The following RIOX2 variants were observed in gnomAD, a reference collection of about 807,000 sequenced individuals.
RIOX2 encodes ribosomal oxygenase 2.
Under a neutral mutation model 51.2 loss-of-function variants are expected in RIOX2, and 43 were observed. The ratio of observed to expected loss-of-function variants is 0.84; its 90% CI spans 0.66 to 1.08. The LOEUF (loss-of-function observed/expected upper bound fraction) is 1.08. RIOX2 is among the 50% of genes least tolerant of loss of function. The probability of loss-of-function intolerance (pLI) is 0.00; values close to 1 mark genes in which losing one functional copy is unlikely to be tolerated. For missense variants in RIOX2, 566 were observed against 561.7 expected, an observed-to-expected ratio of 1.01 and a Z score of -0.08; for synonymous variants, 226 against 218.5, an observed-to-expected ratio of 1.03 and a Z score of -0.30.
At chr3:97,951,191 C>A in intron 5 of RIOX2, 1 of 251,406 alleles carries the variant, frequency 4.0e-6, no homozygotes, top group Admixed American at 5.2e-5. Context: ...TTTCATAAAA[C>A]AGGAAGTTCA....
intron 4 of RIOX2, among the ~76,000 whole-genome samples, chr3:97,957,702 G>A (rs1334488836): frequency 6.6e-6 from 1 of 152,156 alleles, no homozygotes; most frequent in Admixed American, 6.5e-5. Context: ...TTCTCGGGCA[G>A]AGCAAGTAGC....
chr3:97,961,811 G>T, intron 2 of RIOX2, 103 bp from the exon 3 acceptor site: 2 of 1,251,610 alleles, frequency 1.6e-6, no homozygotes, highest in Middle Eastern at 5.6e-4. Context: ...AGTCTTTACT[G>T]CACAACTATT....
intron 2 of RIOX2, among the ~76,000 whole-genome samples, chr3:97,963,603 T>C (rs557279050): frequency 7.2e-5 from 11 of 152,336 alleles, no homozygotes; most frequent in Admixed American, 2.6e-4. Context: ...TATTTTTATA[T>C]AGTAACTGGA....
rs1373318115 is a variant in RIOX2 at position 97,943,987 on chromosome 3, C to T, written c.*1197G>A. On this transcript the variant is annotated 3_prime_UTR_variant, in exon 10 of 10. Coordinates refer to ENST00000394198, the MANE Select transcript of RIOX2 (RefSeq NM_153182.4). ...AAACTAAAAAAGTACAAATAAATAA[C>T]CTATGGCCAAACTTGCACTGTTACG... is the stretch of plus-strand genomic sequence containing the variant. The T allele has an allele frequency of 1.3e-5, 2 of 151,926 alleles. No individual in the cohort carries two copies. The highest frequency in any genetic ancestry group is 2.9e-5 in the Non-Finnish European group (2 of 67,940). The allele number at this position is 151,926 out of a possible 1,614,324, so 9.4% of individuals were successfully genotyped here.
At chr3:97,956,774 C>G (rs552356831) in intron 4 of RIOX2, among the ~76,000 whole-genome samples, 1 of 152,242 alleles carries the variant, frequency 6.6e-6, no homozygotes, top group Admixed American at 6.5e-5. Flanking sequence ...GGATTACAGG[C>G]GTGAGCCACC....
chr3:97,946,594 ATATATATATATATC>A (rs1388869718), intron 8 of RIOX2, among the ~76,000 whole-genome samples: 20 of 130,242 alleles, frequency 1.5e-4, no homozygotes, highest in African/African-American at 5.7e-4. Context: ...ATGTATATAT[ATATATATATATATC>A]TATTCATGTA....
intron 4 of RIOX2, among the ~76,000 whole-genome samples, chr3:97,955,961 T>C (rs1381536928): frequency 2.0e-5 from 3 of 151,788 alleles, no homozygotes; most frequent in Non-Finnish European, 4.4e-5. Context: ...GTATAAACAA[T>C]AATAAATGGT....
chr3:97,943,993 G>C lies in RIOX2; in HGVS notation c.*1191C>G, dbSNP rs2040293131. The C allele has an allele frequency of 6.6e-6, 1 of 151,698 alleles. No individual in the cohort carries two copies. The highest frequency in any genetic ancestry group is 1.5e-5 in the Non-Finnish European group (1 of 67,872). 9.4% of individuals were successfully genotyped at this position (151,698 alleles called of 1,614,324 possible). A position where few individuals can be genotyped will look rare whatever the true frequency, so the allele number is the denominator to read the frequency against. ...AAAAAGTACAAATAAATAACCTATG[G>C]CCAAACTTGCACTGTTACGTGTTAA... On this transcript the variant is annotated 3_prime_UTR_variant, in exon 10 of 10. Coordinates refer to ENST00000394198, the MANE Select transcript of RIOX2 (RefSeq NM_153182.4).
At chr3:97,960,411 T>C (rs1363531165) in intron 3 of RIOX2, among the ~76,000 whole-genome samples, 1 of 152,216 alleles carries the variant, frequency 6.6e-6, no homozygotes, top group African/African-American at 2.4e-5. Context: ...GAATAAAGTA[T>C]ATAACACATA....
chr3:97,971,397 G>A (rs1226376158), intron 1 of RIOX2, among the ~76,000 whole-genome samples: 1 of 152,188 alleles, frequency 6.6e-6, no homozygotes, highest in African/African-American at 2.4e-5. Flanking sequence ...GTCAAACGCA[G>A]CTCAGTTAAA....
intron 1 of RIOX2, among the ~76,000 whole-genome samples, chr3:97,971,368 C>T (rs753389205): frequency 2.0e-5 from 3 of 152,140 alleles, no homozygotes; most frequent in Non-Finnish European, 4.4e-5. Flanking sequence ...AATTTTAGGT[C>T]CACTAATGGA....
At chr3:97,962,362 C>A (rs1345275454) in intron 2 of RIOX2, among the ~76,000 whole-genome samples, 17 of 114,842 alleles carry the variant, frequency 1.5e-4, no homozygotes, top group African/African-American at 4.5e-4. Flanking sequence ...TAAGACCCCC[C>A]CCCCCCCCCC....
chr3:97,960,152 G>A (rs1027954720), intron 3 of RIOX2, among the ~76,000 whole-genome samples: 5 of 152,126 alleles, frequency 3.3e-5, no homozygotes, highest in African/African-American at 1.2e-4. Flanking sequence ...GGACCCATAT[G>A]ATGTGCCACT....
chr3:97,948,600 G>A (rs1414172836), intron 7 of RIOX2, among the ~76,000 whole-genome samples: 3 of 152,060 alleles, frequency 2.0e-5, no homozygotes, highest in South Asian at 4.2e-4. Flanking sequence ...GACCACTTCC[G>A]CTTTACCATT....
chr3:97,948,363 A>G (rs114787164), intron 7 of RIOX2, among the ~76,000 whole-genome samples: 1,881 of 152,276 alleles, frequency 0.012, 37 homozygotes, highest in African/African-American at 0.043. Context: ...ACCCTGAGAA[A>G]GAACAGCAGC....
chr3:97,948,036 T>C (rs985571370), intron 7 of RIOX2, among the ~76,000 whole-genome samples: 3 of 152,104 alleles, frequency 2.0e-5, no homozygotes, highest in Non-Finnish European at 4.4e-5. Flanking sequence ...GTCATCTGCG[T>C]GGGGAAGGAG....
chr3:97,946,975 G>C lies in RIOX2; in HGVS notation c.1149+386C>G, dbSNP rs150791453. ...TTTGTTCTCCATAATCTACAGGATA[G>C]AGTTTAAGGAGATGCAACAATATCC... is the stretch of plus-strand genomic sequence containing the variant. On this transcript the variant is annotated intron_variant, in intron 8 of 9. Coordinates refer to ENST00000394198, the MANE Select transcript of RIOX2 (RefSeq NM_153182.4). Among the ~76,000 whole-genome samples, 856 of 152,214 alleles carry C rather than the reference G, an allele frequency of 5.6e-3. 7 individuals are homozygous for C. Among genetic ancestry groups the C allele is most frequent in the African/African-American group, 0.019 (775 of 41,526 alleles).
chr3:97,950,983 A>G (rs1705223904), intron 5 of RIOX2, 95 bp from the exon 6 acceptor site: 2 of 833,342 alleles, frequency 2.4e-6, no homozygotes, highest in Non-Finnish European at 3.9e-6. Flanking sequence ...CAAAAGCTAC[A>G]AATTGGATTA....
intron 5 of RIOX2, among the ~76,000 whole-genome samples, chr3:97,951,993 C>T (rs1258399585): frequency 6.6e-6 from 1 of 152,188 alleles, no homozygotes; most frequent in African/African-American, 2.4e-5. Context: ...TAGTGCTCCT[C>T]TAAGAGTCAG....
Sources: allele counts gnomAD v4.1 joint callset (sites outside exome capture counted in the v4.1 genomes callset), GRCh38; gene constraint gnomAD v4.1.1; transcripts MANE v1.5; gene names NCBI Gene and HGNC (gene_info 2026-07-23, HGNC 2026-07-21).